TANC2: variants seen among roughly 807,000 people sequenced by gnomAD.
The protein encoded by TANC2 is tetratricopeptide repeat, ankyrin repeat and coiled-coil containing 2, also known as protein TANC2.
Under a neutral mutation model 210.5 loss-of-function variants are expected in TANC2, and 26 were observed. That is an observed-to-expected ratio of 0.12 (90% CI 0.09 to 0.17). The LOEUF (loss-of-function observed/expected upper bound fraction) is 0.17. Ranked by LOEUF, TANC2 falls within the 10% of genes least tolerant of loss-of-function variation. The pLI, the probability that TANC2 is intolerant of heterozygous loss-of-function variation, is 1.00. For missense variants in TANC2, 2,129 were observed against 2,608.9 expected, an observed-to-expected ratio of 0.82 and a Z score of 4.01; for synonymous variants, 931 against 967.1, an observed-to-expected ratio of 0.96 and a Z score of 0.69.
intron 2 of TANC2, 29 bp downstream of exon 2, chr17:63,009,655 G>C: frequency 6.3e-7 from 1 of 1,593,272 alleles, no homozygotes; most frequent in Non-Finnish European, 8.6e-7. Flanking sequence ...TTTATTGTGC[G>C]TGATATTTTA....
chr17:63,145,314 T>C, intron 4 of TANC2, among the ~76,000 whole-genome samples: 1 of 152,152 alleles, frequency 6.6e-6, no homozygotes, highest in East Asian at 1.9e-4. Flanking sequence ...CTTCTACCCT[T>C]CTTTCCCACT....
intron 7 of TANC2, among the ~76,000 whole-genome samples, chr17:63,210,101 G>C (rs2041839252): frequency 6.6e-6 from 1 of 152,132 alleles, no homozygotes; most frequent in Non-Finnish European, 1.5e-5. Context: ...CTCTGGTTCT[G>C]CAATTGTCAG....
intron 5 of TANC2, among the ~76,000 whole-genome samples, chr17:63,192,933 A>C (rs2041232797): frequency 1.3e-5 from 2 of 152,190 alleles, no homozygotes; most frequent in Non-Finnish European, 1.5e-5. Context: ...CATAGGAAAC[A>C]CTTATTATCA....
chr17:63,419,076 G>T (rs555176291), intron 27 of TANC2, among the ~76,000 whole-genome samples: 76 of 152,344 alleles, frequency 5.0e-4, no homozygotes, highest in Non-Finnish European at 9.6e-4. Context: ...AGTGATCTTT[G>T]TGTAACTTGT....
At chr17:63,206,629 T>C (rs537884801) in intron 7 of TANC2, among the ~76,000 whole-genome samples, 1 of 152,294 alleles carries the variant, frequency 6.6e-6, no homozygotes, top group South Asian at 2.1e-4. Flanking sequence ...GTTCCACTCA[T>C]ATAAATGGAA....
intron 5 of TANC2, among the ~76,000 whole-genome samples, chr17:63,167,379 TGGTTG>T (rs2040244749): frequency 6.6e-6 from 1 of 152,086 alleles, no homozygotes; most frequent in Non-Finnish European, 1.5e-5. Flanking sequence ...TCAGAAAATG[TGGTTG>T]GGTTGGTGGC....
At chr17:63,065,717 A>C (rs1483979334) in intron 2 of TANC2, among the ~76,000 whole-genome samples, 2 of 152,164 alleles carry the variant, frequency 1.3e-5, no homozygotes, top group African/African-American at 4.8e-5. Flanking sequence ...ATGTCTATTC[A>C]GGTTCTTTGC....
chr17:63,287,610 C>T (rs1278895144), intron 9 of TANC2, among the ~76,000 whole-genome samples: 4 of 152,046 alleles, frequency 2.6e-5, no homozygotes, highest in Admixed American at 2.6e-4. Context: ...ACCACAGCAG[C>T]ATGTATTCCA....
chr17:63,272,727 A>G (rs2043750760), intron 9 of TANC2, among the ~76,000 whole-genome samples: 1 of 152,078 alleles, frequency 6.6e-6, no homozygotes, highest in Non-Finnish European at 1.5e-5. Context: ...TTTAATCACA[A>G]TTCTGGTTTT....
Position 63,385,567 on chromosome 17 carries a change from G to A in TANC2, c.2692-3068G>A, listed in dbSNP as rs2047752311. ...AGTTTTGTTTGCATGTAAACTGCAT[G>A]GCCAAATGAGAGTTTGTAATTGATG... On this transcript the variant is annotated intron_variant, in intron 15 of 27. Transcript: ENST00000689528. Among the ~76,000 whole-genome samples the A allele has an allele frequency of 2.0e-5, 3 of 152,196 alleles. No homozygotes were observed. In the South Asian group the frequency reaches 6.2e-4, roughly 31 times the overall value.
intron 4 of TANC2, among the ~76,000 whole-genome samples, chr17:63,108,050 A>G (rs1327296823): frequency 6.6e-6 from 1 of 151,824 alleles, no homozygotes; most frequent in East Asian, 1.9e-4. Flanking sequence ...CATTTATGCC[A>G]GAGGCTACAA....
chr17:63,268,693 A>G (rs2043604847), intron 9 of TANC2, among the ~76,000 whole-genome samples: 2 of 152,190 alleles, frequency 1.3e-5, no homozygotes. Flanking sequence ...ATCCTGGCCT[A>G]GCAAGAGCTA....
intron 11 of TANC2, among the ~76,000 whole-genome samples, chr17:63,330,299 C>T (rs994638935): frequency 2.0e-5 from 3 of 152,180 alleles, no homozygotes; most frequent in East Asian, 1.9e-4. Context: ...TGAAGCAGTA[C>T]GTGCTGATAC....
chr17:63,406,042 A>G lies in TANC2; in HGVS notation c.3466-112A>G, dbSNP rs896328548. 11 of 1,379,126 alleles carry G rather than the reference A, an allele frequency of 8.0e-6. No individual in the cohort carries two copies. The South Asian group carries it at 9.2e-5, about 12-fold the overall frequency. The allele number at this position is 1,379,126 out of a possible 1,614,324, so 85.4% of individuals were successfully genotyped here. ...ACTTATGGGGGAAGTGGAAAGATAC[A>G]TGGGTGACTCGTACAGCAGTAGGAA... is the stretch of plus-strand genomic sequence containing the variant. On this transcript the variant is annotated intron_variant, in intron 20 of 27. Coordinates refer to ENST00000689528, the Ensembl canonical transcript of TANC2.
chr17:63,186,800 A>G (rs1162533482), intron 5 of TANC2, among the ~76,000 whole-genome samples: 2 of 152,240 alleles, frequency 1.3e-5, no homozygotes, highest in Non-Finnish European at 1.5e-5. Flanking sequence ...CAAAGAGCCA[A>G]AATAAAACCA....
chr17:62,978,756 A>G (rs2032155206), intron 1 of TANC2: 1 of 152,182 alleles, frequency 6.6e-6, no homozygotes, highest in African/African-American at 2.4e-5. Context: ...AGAATTATGC[A>G]TTCCTTAGAA....
At chr17:63,405,450 T>TA (rs1473557249) in intron 20 of TANC2, among the ~76,000 whole-genome samples, 195 bp downstream of exon 20, 7 of 152,260 alleles carry the variant, frequency 4.6e-5, no homozygotes, top group Non-Finnish European at 1.0e-4. Flanking sequence ...CATCACTTGA[T>TA]ACAGATTGTA....
chr17:63,098,398 A>G (rs944330029), intron 3 of TANC2, among the ~76,000 whole-genome samples: 8 of 141,362 alleles, frequency 5.7e-5, no homozygotes, highest in African/African-American at 7.8e-5. Context: ...GAGTTTTGCT[A>G]TCTCCACTTT....
intron 8 of TANC2, among the ~76,000 whole-genome samples, chr17:63,259,603 T>A (rs928439880): frequency 1.4e-4 from 21 of 152,192 alleles, no homozygotes; most frequent in African/African-American, 5.1e-4. Flanking sequence ...TACTCACTAT[T>A]AATGAAAAAT....
Sources: allele counts gnomAD v4.1 joint callset (sites outside exome capture counted in the v4.1 genomes callset), GRCh38; gene constraint gnomAD v4.1.1; transcripts MANE v1.5; gene names NCBI Gene and HGNC (gene_info 2026-07-23, HGNC 2026-07-21).